Variants in NAV2 observed in about 807,000 individuals in gnomAD.
NAV2 encodes the protein neuron navigator 2.
Under a neutral mutation model 223.2 loss-of-function variants are expected in NAV2, and 54 were observed. The observed-to-expected ratio is 0.24, with a 90% CI of 0.19 to 0.30. The LOEUF is 0.30. Ranked by LOEUF, NAV2 falls within the 10% of genes least tolerant of loss-of-function variation. The pLI, the probability that NAV2 is intolerant of heterozygous loss-of-function variation, is 1.00. For synonymous variants in NAV2, 1,279 were observed against 1,239.3 expected (o/e 1.03, Z -0.67); for missense variants, 2,806 against 3,147.5 (o/e 0.89, Z 2.60).
chr11:19,948,348 T>C (rs1161262152), intron 9 of NAV2, among the ~76,000 whole-genome samples: 1 of 152,176 alleles, frequency 6.6e-6, no homozygotes, highest in African/African-American at 2.4e-5. Flanking sequence ...CCTCCCAAAG[T>C]GCTAGGATTA....
At chr11:19,783,994 AC>A (rs2056931991) in intron 1 of NAV2, among the ~76,000 whole-genome samples, 2 of 152,190 alleles carry the variant, frequency 1.3e-5, no homozygotes, top group Admixed American at 1.3e-4. Context: ...AAAACATGTT[AC>A]TTTTTATGGT....
chr11:20,113,168 C>A (rs2062780865), intron 36 of NAV2, among the ~76,000 whole-genome samples: 1 of 152,220 alleles, frequency 6.6e-6, no homozygotes, highest in South Asian at 2.1e-4. Context: ...GTTTCCAATT[C>A]TGGCTTCTCT....
At chr11:19,541,897 C>T (rs1034630671) in intron 1 of NAV2, among the ~76,000 whole-genome samples, 1 of 152,182 alleles carries the variant, frequency 6.6e-6, no homozygotes, top group Non-Finnish European at 1.5e-5. Flanking sequence ...TACTGTGGAT[C>T]AGTCTGTAAT....
chr11:19,964,963 G>A (rs1200500890), intron 10 of NAV2, among the ~76,000 whole-genome samples: 1 of 151,862 alleles, frequency 6.6e-6, no homozygotes, highest in Admixed American at 6.6e-5. Flanking sequence ...GGGATTACAG[G>A]TGCGTGCCAC....
chr11:19,579,818 T>A (rs2045664619), intron 1 of NAV2, among the ~76,000 whole-genome samples: 1 of 152,186 alleles, frequency 6.6e-6, no homozygotes, highest in Non-Finnish European at 1.5e-5. Flanking sequence ...TTTGAGCATC[T>A]CTAGGCCCCT....
intron 1 of NAV2, among the ~76,000 whole-genome samples, chr11:19,463,102 C>A (rs1394700136): frequency 6.6e-6 from 1 of 152,232 alleles, no homozygotes; most frequent in Non-Finnish European, 1.5e-5. Context: ...AATTATTTTC[C>A]AGGTCTGGAT....
intron 1 of NAV2, among the ~76,000 whole-genome samples, chr11:19,619,527 T>G (rs1388993617): frequency 2.0e-5 from 3 of 152,238 alleles, no homozygotes; most frequent in Admixed American, 2.0e-4. Context: ...TGAGCATTTT[T>G]TCACGTGTCT....
rs1238891423 is a variant in NAV2, at chr11:19,459,918, G to C, written c.75+108891G>C. On this transcript the variant is annotated intron_variant, in intron 1 of 37. Coordinates refer to the NAV2 transcript ENST00000360655. ...GGAGCAGTTAGGGTGGATTGCAAGT[G>C]GGGAGAAGATGCCCTTCCAAGACTT... 3.9e-5 allele frequency among the ~76,000 whole-genome samples: 6 copies of C among 152,282 alleles called. No homozygotes were observed. In the South Asian group the frequency reaches 1.0e-3, roughly 26 times the overall value.
At chr11:19,890,494 T>C (rs2041412736) in intron 5 of NAV2, among the ~76,000 whole-genome samples, 1 of 152,204 alleles carries the variant, frequency 6.6e-6, no homozygotes, top group Non-Finnish European at 1.5e-5. Context: ...TTCCACACTG[T>C]GGTAGAATAC....
intron 11 of NAV2, among the ~76,000 whole-genome samples, chr11:20,021,568 C>T (rs374880961): frequency 1.3e-5 from 2 of 152,268 alleles, no homozygotes; most frequent in East Asian, 1.9e-4. Context: ...GTTCCAGGGA[C>T]AGCATAGAAG....
intron 3 of NAV2, among the ~76,000 whole-genome samples, chr11:19,856,535 A>G (rs1052786192): frequency 2.0e-5 from 3 of 152,230 alleles, no homozygotes; most frequent in African/African-American, 7.2e-5. Context: ...CTCCTTAGCC[A>G]TGCCTACAAC....
intron 30 of NAV2, among the ~76,000 whole-genome samples, 162 bp downstream of exon 30, chr11:20,095,929 A>C (rs2061233078): frequency 6.6e-6 from 1 of 152,188 alleles, no homozygotes; most frequent in African/African-American, 2.4e-5. Flanking sequence ...TCTCAAGGGA[A>C]TGGAAGGACA....
intron 30 of NAV2, 142 bp from the exon 31 acceptor site, chr11:20,097,435 T>C: frequency 1.6e-6 from 1 of 637,182 alleles, no homozygotes; most frequent in Non-Finnish European, 2.5e-6. Flanking sequence ...TCAGTTTTTC[T>C]CCCCCTCATC....
At chr11:20,043,432 A>C (rs1197427102) in intron 12 of NAV2, among the ~76,000 whole-genome samples, 1 of 149,462 alleles carries the variant, frequency 6.7e-6, no homozygotes. Flanking sequence ...CTCTTCCCTC[A>C]CTCCTTTCTT....
At chr11:20,085,325 C>A (rs1032979315) in intron 26 of NAV2, among the ~76,000 whole-genome samples, 1 of 152,088 alleles carries the variant, frequency 6.6e-6, no homozygotes, top group Non-Finnish European at 1.5e-5. Flanking sequence ...GTTGTGGTTA[C>A]GATAAAGTAC....
intron 6 of NAV2, among the ~76,000 whole-genome samples, chr11:19,904,562 G>C (rs560685974): frequency 1.3e-5 from 2 of 152,126 alleles, no homozygotes; most frequent in African/African-American, 4.8e-5. Context: ...CCCACACAAT[G>C]GTTGGAAATA....
intron 1 of NAV2, among the ~76,000 whole-genome samples, chr11:19,430,194 A>G (rs988217398): frequency 2.6e-5 from 4 of 152,150 alleles, no homozygotes; most frequent in African/African-American, 7.2e-5. Flanking sequence ...GAAGGAAGGA[A>G]TGGGGCAGAG....
At chr11:19,577,707 T>C (rs1171586246) in intron 1 of NAV2, among the ~76,000 whole-genome samples, 1 of 151,042 alleles carries the variant, frequency 6.6e-6, no homozygotes, top group African/African-American at 2.4e-5. Context: ...GCAAGCACTG[T>C]GTGGATGGGG....
chr11:19,536,825 A>C (rs2044203415), intron 1 of NAV2, among the ~76,000 whole-genome samples: 1 of 152,204 alleles, frequency 6.6e-6, no homozygotes, highest in Admixed American at 6.5e-5. Flanking sequence ...GCTGGGAGCC[A>C]TTCTTACCAT....
Sources: allele counts gnomAD v4.1 joint callset (sites outside exome capture counted in the v4.1 genomes callset), GRCh38; gene constraint gnomAD v4.1.1; transcripts MANE v1.5; gene names NCBI Gene and HGNC (gene_info 2026-07-23, HGNC 2026-07-21).